The following PURG variants were observed in gnomAD, a reference collection of about 807,000 sequenced individuals.
The protein encoded by PURG is purine rich element binding protein G.
PURG carries 3 observed loss-of-function variants against 24.3 expected under a neutral mutation model. The ratio of observed to expected loss-of-function variants is 0.12; its 90% confidence interval spans 0.06 to 0.32. PURG has a LOEUF of 0.32. PURG is among the 10% of genes least tolerant of loss of function. The probability of loss-of-function intolerance (pLI) is 1.00; values close to 1 mark genes in which losing one functional copy is unlikely to be tolerated. For missense variants in PURG, 371 were observed against 439.1 expected (o/e 0.84, Z 1.39); for synonymous variants, 180 against 173.1 (o/e 1.04, Z -0.31).
chr8:31,014,093 T>C (rs1810811208), intron 1 of PURG, among the ~76,000 whole-genome samples: 1 of 152,084 alleles, frequency 6.6e-6, no homozygotes, highest in South Asian at 2.1e-4. Flanking sequence ...TTGCAGCAGA[T>C]CATTAAAAAA....
chr8:31,031,035 G>C lies in PURG; in HGVS notation c.*704C>G, dbSNP rs112901179. On this transcript the variant is annotated 3_prime_UTR_variant, in exon 2 of 2. Coordinates refer to ENST00000523392, the MANE Select transcript of PURG (RefSeq NM_001323311.2). ...ATATGGAACATTAAGTAGAGGTAAA[G>C]AAGGGATTGTAACTAAACTTAGAAT... 235 of 152,678 alleles carry C rather than the reference G, an allele frequency of 1.5e-3. 1 individual carries two copies. The highest frequency in any genetic ancestry group is 5.1e-3 in the African/African-American group (213 of 41,560). 9.5% of individuals were successfully genotyped at this position (152,678 alleles called of 1,614,324 possible). A position where few individuals can be genotyped will look rare whatever the true frequency, so the allele number is the denominator to read the frequency against.
intron 1 of PURG, among the ~76,000 whole-genome samples, chr8:31,024,315 C>A (rs1359878131): frequency 2.0e-5 from 3 of 152,092 alleles, no homozygotes; most frequent in African/African-American, 4.8e-5. Context: ...CTTTCACAGT[C>A]CACTGATACA....
chr8:31,021,357 T>A (rs1810985158), intron 1 of PURG, among the ~76,000 whole-genome samples: 1 of 152,234 alleles, frequency 6.6e-6, no homozygotes, highest in South Asian at 2.1e-4. Context: ...TCTTCTACAT[T>A]CTTATGATCT....
intron 1 of PURG, among the ~76,000 whole-genome samples, chr8:31,024,639 A>G (rs878929707): frequency 1.3e-5 from 2 of 152,084 alleles, no homozygotes; most frequent in Admixed American, 1.3e-4. Flanking sequence ...TGAATCCACA[A>G]CAAAATCCTG....
chr8:31,010,304 G>T (rs1456994703), intron 1 of PURG, among the ~76,000 whole-genome samples: 2 of 152,150 alleles, frequency 1.3e-5, no homozygotes, highest in African/African-American at 4.8e-5. Flanking sequence ...TGGAAGGTTA[G>T]CTAAGGTGGG....
chr8:31,018,548 C>A (rs945863537), intron 1 of PURG, among the ~76,000 whole-genome samples: 1 of 152,074 alleles, frequency 6.6e-6, no homozygotes, highest in African/African-American at 2.4e-5. Context: ...TTTTTTAAAT[C>A]TAAAATTTAT....
intron 1 of PURG, among the ~76,000 whole-genome samples, chr8:31,014,737 T>C (rs757160987): frequency 1.3e-5 from 2 of 152,192 alleles, no homozygotes; most frequent in Non-Finnish European, 2.9e-5. Flanking sequence ...AAAACAGTCT[T>C]AGAATGTAGA....
intron 1 of PURG, among the ~76,000 whole-genome samples, chr8:31,020,498 A>C (rs758852209): frequency 6.6e-6 from 1 of 152,208 alleles, no homozygotes; most frequent in Non-Finnish European, 1.5e-5. Context: ...TAAATTAAAA[A>C]TATGCATCAG....
chr8:31,003,062 G>T (rs1480769616), intron 1 of PURG, among the ~76,000 whole-genome samples: 1 of 152,136 alleles, frequency 6.6e-6, no homozygotes, highest in African/African-American at 2.4e-5. Context: ...ATACCAACAA[G>T]ATTCTCTTGG....
exon 2 of PURG, chr8:30,996,603 A>G (rs534715067): frequency 1.9e-6 from 3 of 1,605,572 alleles, no homozygotes; most frequent in East Asian, 2.2e-5. Context: ...TTATTCCTCA[A>G]CTGTTTTTGT....
In PURG at chr8:31,033,157, T is replaced by TGCAGCCGCC. The variant is rs1229813427; in HGVS notation, c.-95_-87dup. On this transcript the variant is annotated 5_prime_UTR_variant, in exon 1 of 2. Transcript: ENST00000523392. ...CACCGCCAGCTCTCGGCCCCTCTGC[T>TGCAGCCGCC]GCAGCCGCCGCAGCCGCCGCCCCCC... is the stretch of plus-strand genomic sequence containing the variant. The TGCAGCCGCC allele has an allele frequency of 2.4e-5, 5 of 208,530 alleles. No homozygotes were observed. The highest frequency in any genetic ancestry group is 9.7e-5 in the African/African-American group (4 of 41,146). 12.9% of individuals were successfully genotyped at this position (208,530 alleles called of 1,614,324 possible).
intron 1 of PURG, among the ~76,000 whole-genome samples, chr8:31,009,438 A>G (rs1810723461): frequency 6.6e-6 from 1 of 152,076 alleles, no homozygotes; most frequent in South Asian, 2.1e-4. Flanking sequence ...AACAAAACAA[A>G]ACAAAACAAA....
intron 1 of PURG, among the ~76,000 whole-genome samples, chr8:31,014,769 C>G (rs1810827845): frequency 6.6e-6 from 1 of 152,250 alleles, no homozygotes; most frequent in South Asian, 2.1e-4. Flanking sequence ...CAAGGAAATT[C>G]TAGGATTTAA....
intron 1 of PURG, among the ~76,000 whole-genome samples, chr8:31,021,220 TTGA>T (rs1247595485): frequency 3.9e-5 from 6 of 152,070 alleles, no homozygotes; most frequent in Non-Finnish European, 7.4e-5. Flanking sequence ...TCCAAAAATA[TTGA>T]TAAGATTTAT....
rs944329839 is a variant in PURG, at chr8:31,031,554, G to A, written c.*185C>T. On this transcript the variant is annotated 3_prime_UTR_variant, in exon 2 of 2. Transcript: ENST00000523392. ...TAGCTCTGGGAAGGTTGGAATTCCC[G>A]TAAGAATTATAGTGATCTATGTGTA... 6.5e-6 allele frequency: 4 copies of A among 617,422 alleles called. No individual in the cohort carries two copies. In the Admixed American group the frequency reaches 9.2e-5, roughly 14 times the overall value. 38.2% of individuals were successfully genotyped at this position (617,422 alleles called of 1,614,324 possible).
At chr8:31,015,725 C>T (rs1465360425) in intron 1 of PURG, among the ~76,000 whole-genome samples, 2 of 152,114 alleles carry the variant, frequency 1.3e-5, no homozygotes, top group Admixed American at 6.6e-5. Flanking sequence ...ATCTTAAACA[C>T]CTGGATTTAT....
At chr8:31,023,236 T>C (rs1006429577) in intron 1 of PURG, among the ~76,000 whole-genome samples, 11 of 152,248 alleles carry the variant, frequency 7.2e-5, no homozygotes, top group African/African-American at 2.4e-4. Context: ...AAATTGCTAT[T>C]TTGAACCACC....
intron 1 of PURG, among the ~76,000 whole-genome samples, chr8:31,021,676 T>C (rs1379226260): frequency 6.6e-6 from 1 of 152,174 alleles, no homozygotes; most frequent in Non-Finnish European, 1.5e-5. Flanking sequence ...TTGGCCTAAC[T>C]GAACGGGCAC....
chr8:30,998,636 C>T (rs1440240373), intron 1 of PURG, among the ~76,000 whole-genome samples: 3 of 151,726 alleles, frequency 2.0e-5, no homozygotes, highest in East Asian at 3.8e-4. Context: ...AATGTCGATT[C>T]TGAATTCATT....
Sources: gnomAD v4.1 joint callset for allele counts (sites outside exome capture counted in the v4.1 genomes callset) on GRCh38, gnomAD v4.1.1 for gene constraint, MANE v1.5 for transcripts, NCBI Gene and HGNC (gene_info 2026-07-23, HGNC 2026-07-21) for gene names.